ZFC3H1: variants seen among roughly 807,000 people sequenced by gnomAD.
ZFC3H1 encodes zinc finger C3H1 domain-containing protein.
A neutral mutation model predicts 243.7 loss-of-function variants in ZFC3H1; 71 were observed. The ratio of observed to expected loss-of-function variants is 0.29; its 90% CI spans 0.24 to 0.36. The LOEUF (loss-of-function observed/expected upper bound fraction) is 0.36, where lower values mean the gene tolerates loss of function less well. ZFC3H1 is among the 10% of genes least tolerant of loss of function. The pLI is 1.00. For synonymous variants in ZFC3H1, 838 were observed against 813.0 expected, an observed-to-expected ratio of 1.03 and a Z score of -0.52; for missense variants, 1,966 against 2,317.1, an observed-to-expected ratio of 0.85 and a Z score of 3.11.
In ZFC3H1 at chr12:71,624,276, C is replaced by A; in HGVS notation, c.4334G>T (p.Ser1445Ile). ...QSFWTFLHLE[S>I]TFEEKDYVCE... ...TACGTAATCCTTTTCTTCAAAGGTA[C>A]TTTCTAGGTGTAGAAACTGCCCAAA... is the stretch of plus-strand genomic sequence containing the variant. The change falls in exon 23 of 35, where the codon AGT (serine) becomes ATT (isoleucine). Residue 1445 changes from serine (S) to isoleucine (I), a missense_variant. This residue lies in a region of ZFC3H1 where 1,383 missense variants were observed against 1,723.7 expected (regional missense o/e 0.80). Transcript: ENST00000378743. The A allele has an allele frequency of 6.2e-7, 1 of 1,611,512 alleles. No individual in the cohort carries two copies. The highest frequency in any genetic ancestry group is 8.5e-7 in the Non-Finnish European group (1 of 1,178,690).
Position 71,647,780 on chromosome 12 carries a change from C to A in ZFC3H1, c.1049G>T (p.Arg350Ile). Reference protein sequence around the residue: ...LQDKEQNLTRRISTSDILSEK... With the variant: ...LQDKEQNLTRIISTSDILSEK... ...AGACAGAATATCTGAGGTACTAATT[C>A]TTCTTGTTAAATTTTGTTCTTTATC... is the stretch of plus-strand genomic sequence containing the variant. Residue 350 changes from arginine (R) to isoleucine (I), a missense_variant, in exon 3 of 35, where the codon AGA (arginine) becomes ATA (isoleucine). Around this residue, in one of 4 missense-constraint regions of ZFC3H1, gnomAD observed 484 missense variants for 449.7 expected, o/e 1.08. Coordinates refer to ENST00000378743, the MANE Select transcript of ZFC3H1 (RefSeq NM_144982.5). 1 of 1,474,150 alleles carries A rather than the reference C, an allele frequency of 6.8e-7. No homozygotes were observed. Among genetic ancestry groups the A allele is most frequent in the South Asian group, 1.2e-5 (1 of 80,358 alleles). 91.3% of individuals were successfully genotyped at this position (1,474,150 alleles called of 1,614,324 possible). A position where few individuals can be genotyped will look rare whatever the true frequency, so the allele number is the denominator to read the frequency against.
intron 2 of ZFC3H1, among the ~76,000 whole-genome samples, chr12:71,653,523 G>GA (rs1346879950): frequency 6.6e-6 from 1 of 152,062 alleles, no homozygotes; most frequent in Non-Finnish European, 1.5e-5. Context: ...CCAGATTCAA[G>GA]AAACAACAAA....
At chr12:71,643,053 T>A (rs1565821303) in intron 5 of ZFC3H1, among the ~76,000 whole-genome samples, 1 of 152,208 alleles carries the variant, frequency 6.6e-6, no homozygotes, top group Non-Finnish European at 1.5e-5. Flanking sequence ...CTTGTCTACT[T>A]CTTACTATGT....
At chr12:71,644,356 G>C in intron 4 of ZFC3H1, 38 bp from the exon 5 acceptor site, 1 of 1,569,404 alleles carries the variant, frequency 6.4e-7, no homozygotes, top group South Asian at 1.2e-5. Flanking sequence ...GCATCTGTTA[G>C]GAGATAAAAG....
chr12:71,656,632 G>A (rs1210949144), intron 2 of ZFC3H1: 2 of 597,500 alleles, frequency 3.3e-6, no homozygotes, highest in South Asian at 4.4e-5. Flanking sequence ...AGGAAACAAA[G>A]GTGTCCACTA....
chr12:71,619,503 T>A, intron 26 of ZFC3H1, 94 bp from the exon 27 acceptor site: 1 of 1,185,920 alleles, frequency 8.4e-7, no homozygotes. Flanking sequence ...AAAGTACTCA[T>A]TAGATTAAGT....
chr12:71,645,139 A>C (rs1880696821), intron 3 of ZFC3H1, 64 bp from the exon 4 acceptor site: 2 of 1,428,084 alleles, frequency 1.4e-6, no homozygotes, highest in Admixed American at 2.7e-5. Context: ...ACATTTCATC[A>C]AGTCAAATCC....
intron 2 of ZFC3H1, among the ~76,000 whole-genome samples, chr12:71,652,868 T>C (rs1004875405): frequency 6.6e-6 from 1 of 152,090 alleles, no homozygotes; most frequent in African/African-American, 2.4e-5. Flanking sequence ...GTTGAACTGA[T>C]TCCAAGGCTG....
chr12:71,615,338 T>C (rs375091094), intron 27 of ZFC3H1, 22 bp from the exon 28 acceptor site: 10 of 1,498,996 alleles, frequency 6.7e-6, no homozygotes, highest in East Asian at 2.3e-5. Flanking sequence ...AATCCAAATA[T>C]TGTTTTAAAT....
chr12:71,632,562 A>G, intron 14 of ZFC3H1, 48 bp from the exon 15 acceptor site: 2 of 1,508,680 alleles, frequency 1.3e-6, no homozygotes, highest in Non-Finnish European at 1.8e-6. Flanking sequence ...GTGATTTTAT[A>G]AACAATTTTT....
chr12:71,637,479 T>C, intron 7 of ZFC3H1, among the ~76,000 whole-genome samples: 1 of 152,286 alleles, frequency 6.6e-6, no homozygotes, highest in Non-Finnish European at 1.5e-5. Context: ...AGGGATTCTG[T>C]GAATAATAGT....
chr12:71,623,490 G>A lies in ZFC3H1; in HGVS notation c.4614C>T (p.Leu1538=), dbSNP rs757046254. The part of the protein sequence containing the change: ...AYIHLIEFNI[L]PSKFYDPSND... ...TAGATGGATCATAAAATTTTGAAGG[G>A]AGAATGTTGAATTCAATAAGATGTA... The change falls in exon 24 of 35, where the codon CTC becomes CTT. Residue 1538 remains leucine, a synonymous_variant. Coordinates refer to ENST00000378743, the MANE Select transcript of ZFC3H1 (RefSeq NM_144982.5). The A allele has an allele frequency of 3.1e-6, 5 of 1,613,632 alleles. No homozygotes were observed. In the South Asian group the frequency reaches 4.4e-5, roughly 14 times the overall value.
intron 27 of ZFC3H1, among the ~76,000 whole-genome samples, chr12:71,615,754 G>GT (rs900517147): frequency 6.6e-6 from 1 of 152,142 alleles, no homozygotes; most frequent in Non-Finnish European, 1.5e-5. Context: ...CTGGACTCAA[G>GT]TAATTCTCCT....
chr12:71,623,548 G>C lies in ZFC3H1; in HGVS notation c.4556C>G (p.Thr1519Ser). The C allele has an allele frequency of 6.2e-7, 1 of 1,613,350 alleles. No individual in the cohort carries two copies. The highest frequency in any genetic ancestry group is 8.5e-7 in the Non-Finnish European group (1 of 1,179,756). ...NDGIVAEYLK[T>S]SDRCLAWLAY... ...CAACCATGCCAAACATCGATCACTG[G>C]TTTTAAGGTATTCAGCTACTATTCC... Residue 1519 changes from threonine (T) to serine (S), a missense_variant, in exon 24 of 35, where the codon ACC (threonine) becomes AGC (serine). Physicochemically the swap from Thr to Ser is moderately conservative, Grantham distance 58. Transcript: ENST00000378743.
In ZFC3H1 at chr12:71,663,475, C is replaced by CGCTGCT. The variant is rs762742525; in HGVS notation, c.130_135dup (p.Ser44_Ser45dup). 48 of 1,612,648 alleles carry CGCTGCT rather than the reference C, an allele frequency of 3.0e-5. No individual in the cohort carries two copies. The Middle Eastern group carries it at 4.9e-4, about 17-fold the overall frequency. ...CGCGGATAGGGTAACAGCCCGCCGC[C>CGCTGCT]GCTGCTGCTGCTGCTGCTCCGACTC... On this transcript the variant is annotated inframe_insertion, in exon 1 of 35. Transcript: ENST00000378743.
intron 24 of ZFC3H1, among the ~76,000 whole-genome samples, chr12:71,621,527 C>G (rs957458698): frequency 6.6e-6 from 1 of 152,196 alleles, no homozygotes; most frequent in Non-Finnish European, 1.5e-5. Flanking sequence ...TGGTCTCAAA[C>G]TCCTGACCTC....
At chr12:71,618,423 T>C (rs959556728) in intron 27 of ZFC3H1, among the ~76,000 whole-genome samples, 1 of 152,204 alleles carries the variant, frequency 6.6e-6, no homozygotes, top group Non-Finnish European at 1.5e-5. Context: ...AGGTCTTTCT[T>C]CTCTTGTTCT....
rs920036411 is a variant in ZFC3H1 at position 71,653,103 on chromosome 12, T to C, written c.1015+3782A>G. Among the ~76,000 whole-genome samples, 21 of 152,200 alleles carry C rather than the reference T, an allele frequency of 1.4e-4. 2 individuals are homozygous for C. Among genetic ancestry groups the C allele is most frequent in the Admixed American group, 7.8e-4 (12 of 15,292 alleles). ...ACTGAAAATTAGCAGGGATAGGAGATAAAACAAAACAGACCTATGGTTAAT... is the reference window on the plus strand; with the variant it reads ...ACTGAAAATTAGCAGGGATAGGAGACAAAACAAAACAGACCTATGGTTAAT... On this transcript the variant is annotated intron_variant, in intron 2 of 34. Coordinates refer to ENST00000378743, the MANE Select transcript of ZFC3H1 (RefSeq NM_144982.5).
intron 6 of ZFC3H1, chr12:71,639,413 A>G: frequency 4.0e-6 from 1 of 246,946 alleles, no homozygotes; most frequent in African/African-American, 2.3e-5. Context: ...TAGGTGGCAG[A>G]GAGAAGAGAG....
Sources: gnomAD v4.1 joint callset for allele counts (sites outside exome capture counted in the v4.1 genomes callset) on GRCh38, gnomAD v4.1.1 for gene constraint, gnomAD v4.1.1 regional missense constraint, MANE v1.5 for transcripts, NCBI Gene and HGNC (gene_info 2026-07-23, HGNC 2026-07-21) for gene names.